SLC24A3: variants seen among roughly 807,000 people sequenced by gnomAD.
SLC24A3 encodes sodium/potassium/calcium exchanger 3.
In SLC24A3, 28 loss-of-function variants were observed where a neutral mutation model predicts 75.8. That is an observed-to-expected ratio of 0.37 (90% CI 0.27 to 0.51). The LOEUF (loss-of-function observed/expected upper bound fraction) is 0.51, where lower values mean the gene tolerates loss of function less well. SLC24A3 is among the 20% of genes least tolerant of loss of function. The probability of loss-of-function intolerance (pLI) is 0.94; values close to 1 mark genes in which losing one functional copy is unlikely to be tolerated. For synonymous variants in SLC24A3, 372 were observed against 334.1 expected (o/e 1.11, Z -1.24); for missense variants, 663 against 847.8 (o/e 0.78, Z 2.71).
chr20:19,314,277 A>ATTTATTTAT (rs1555787420), intron 2 of SLC24A3, among the ~76,000 whole-genome samples: 2 of 126,478 alleles, frequency 1.6e-5, no homozygotes, highest in African/African-American at 5.9e-5. Flanking sequence ...GTTTTTATTT[A>ATTTATTTAT]TTTATTTTAT....
chr20:19,624,733 T>TCA (rs2031847138), intron 6 of SLC24A3, among the ~76,000 whole-genome samples: 1 of 152,192 alleles, frequency 6.6e-6, no homozygotes, highest in African/African-American at 2.4e-5. Flanking sequence ...GGGTGTGAGT[T>TCA]CACACTGTGC....
chr20:19,411,435 G>T (rs1986742417), intron 2 of SLC24A3, among the ~76,000 whole-genome samples: 1 of 152,196 alleles, frequency 6.6e-6, no homozygotes, highest in Non-Finnish European at 1.5e-5. Context: ...GAAATGTCAA[G>T]ATATGTTTGG....
chr20:19,510,095 T>C (rs1988514988), intron 2 of SLC24A3, among the ~76,000 whole-genome samples: 1 of 152,182 alleles, frequency 6.6e-6, no homozygotes, highest in Non-Finnish European at 1.5e-5. Flanking sequence ...TGACAATCCT[T>C]ATGGCCTCCC....
At chr20:19,413,688 A>C (rs1471062893) in intron 2 of SLC24A3, among the ~76,000 whole-genome samples, 1 of 152,254 alleles carries the variant, frequency 6.6e-6, no homozygotes, top group Non-Finnish European at 1.5e-5. Flanking sequence ...ACAGGTAAGC[A>C]GAAGGAAAAA....
intron 10 of SLC24A3, among the ~76,000 whole-genome samples, chr20:19,683,171 T>A (rs1268678237): frequency 1.3e-5 from 2 of 152,212 alleles, no homozygotes; most frequent in Non-Finnish European, 2.9e-5. Context: ...TATACATATG[T>A]TTAACAAATG....
intron 4 of SLC24A3, among the ~76,000 whole-genome samples, chr20:19,583,796 G>C (rs538502989): frequency 2.2e-4 from 34 of 151,672 alleles, no homozygotes; most frequent in Non-Finnish European, 4.1e-4. Context: ...ACCCCTCACA[G>C]CCACACCTTG....
intron 4 of SLC24A3, among the ~76,000 whole-genome samples, chr20:19,581,057 A>T (rs1568662410): frequency 6.6e-6 from 1 of 152,354 alleles, no homozygotes; most frequent in East Asian, 1.9e-4. Flanking sequence ...TACATCCTGG[A>T]AGTTAGTGTT....
At chr20:19,437,178 C>CTT in intron 2 of SLC24A3, among the ~76,000 whole-genome samples, 1 of 152,222 alleles carries the variant, frequency 6.6e-6, no homozygotes, top group East Asian at 1.9e-4. Flanking sequence ...TGGTTTGGCT[C>CTT]TGTATCCCCA....
intron 2 of SLC24A3, among the ~76,000 whole-genome samples, chr20:19,285,552 A>ATTT (rs11087278): frequency 2.3e-5 from 3 of 130,058 alleles, no homozygotes; most frequent in Non-Finnish European, 4.8e-5. Context: ...GAAATTTGTG[A>ATTT]TTTTTTTTTT....
intron 6 of SLC24A3, among the ~76,000 whole-genome samples, chr20:19,639,991 G>A (rs574268057): frequency 6.6e-6 from 1 of 152,228 alleles, no homozygotes; most frequent in Non-Finnish European, 1.5e-5. Flanking sequence ...GCGGAGCGCA[G>A]CCCTGATTCC....
At chr20:19,537,570 A>G (rs1341706718) in intron 3 of SLC24A3, among the ~76,000 whole-genome samples, 1 of 152,180 alleles carries the variant, frequency 6.6e-6, no homozygotes, top group Non-Finnish European at 1.5e-5. Flanking sequence ...ATAAAGACAC[A>G]TGCACACGTA....
chr20:19,253,976 T>C (rs1236738959), intron 1 of SLC24A3, among the ~76,000 whole-genome samples: 1 of 152,150 alleles, frequency 6.6e-6, no homozygotes, highest in Admixed American at 6.5e-5. Context: ...AAAGGAGGTT[T>C]TCCTGTCCAA....
intron 1 of SLC24A3, among the ~76,000 whole-genome samples, chr20:19,223,183 T>G (rs1330471810): frequency 6.6e-6 from 1 of 152,204 alleles, no homozygotes; most frequent in East Asian, 1.9e-4. Context: ...TCCCAGCTAC[T>G]CAGGAGGCTG....
At chr20:19,264,890 G>C (rs1168063119) in intron 1 of SLC24A3, among the ~76,000 whole-genome samples, 2 of 152,124 alleles carry the variant, frequency 1.3e-5, no homozygotes, top group Non-Finnish European at 2.9e-5. Context: ...CTTCCAGAGG[G>C]ATCCTGGTCT....
chr20:19,373,661 A>G (rs1009598175), intron 2 of SLC24A3, among the ~76,000 whole-genome samples: 3 of 152,140 alleles, frequency 2.0e-5, no homozygotes, highest in Admixed American at 6.5e-5. Context: ...AGCCCACCCT[A>G]TAGATTCTTA....
At chr20:19,534,152 G>T (rs1265280876) in intron 3 of SLC24A3, among the ~76,000 whole-genome samples, 1 of 152,264 alleles carries the variant, frequency 6.6e-6, no homozygotes, top group Non-Finnish European at 1.5e-5. Flanking sequence ...TATTTGTGAA[G>T]TGCCAGTTTT....
chr20:19,344,265 A>C (rs1985338552), intron 2 of SLC24A3, among the ~76,000 whole-genome samples: 2 of 152,296 alleles, frequency 1.3e-5, no homozygotes, highest in South Asian at 2.1e-4. Flanking sequence ...GAAGTTTAAT[A>C]ATATGGTTGA....
At chr20:19,299,192 GTGTGTA>G (rs1378518460) in intron 2 of SLC24A3, among the ~76,000 whole-genome samples, 5 of 114,814 alleles carry the variant, frequency 4.4e-5, no homozygotes, top group African/African-American at 1.8e-4. Flanking sequence ...GTGTGTGTGT[GTGTGTA>G]TGTGTGTGTG....
rs1401823860 is a variant in SLC24A3, at chr20:19,721,085, T to C, written c.1880T>C (p.Met627Thr). The stretch of plus-strand genomic sequence containing the variant: ...GGTGTGTTCCTGTGCTTCTCCATCA[T>C]GACTGAGTTCAACGTGTTCACCTTT... The part of the protein sequence containing the change: ...LYGVFLCFSI[M>T]TEFNVFTFVN... The change falls in exon 17 of 17, where the codon ATG becomes ACG. Residue 627 changes from methionine (M) to threonine (T), a missense_variant. Physicochemically the swap from Met to Thr is moderately conservative, Grantham distance 81. Coordinates refer to ENST00000328041, the MANE Select transcript of SLC24A3 (RefSeq NM_020689.4). The C allele has an allele frequency of 6.2e-7, 1 of 1,614,012 alleles. No homozygotes were observed. Among genetic ancestry groups the C allele is most frequent in the Non-Finnish European group, 8.5e-7 (1 of 1,180,036 alleles).
Sources: gnomAD v4.1 joint callset for allele counts (sites outside exome capture counted in the v4.1 genomes callset) on GRCh38, gnomAD v4.1.1 for gene constraint, MANE v1.5 for transcripts, NCBI Gene and HGNC (gene_info 2026-07-23, HGNC 2026-07-21) for gene names.